Variants in SH3D19 observed in about 807,000 individuals in gnomAD.
SH3D19 encodes the protein SH3 domain containing 19.
Under a neutral mutation model 112.1 loss-of-function variants are expected in SH3D19, and 58 were observed. The ratio of observed to expected loss-of-function variants is 0.52; its 90% CI spans 0.42 to 0.64. The LOEUF is 0.64. SH3D19 is among the 30% of genes least tolerant of loss of function. The pLI is 0.00. For synonymous variants in SH3D19, 391 were observed against 448.5 expected (o/e 0.87, Z 1.62); for missense variants, 1,090 against 1,263.4 (o/e 0.86, Z 2.08).
intron 15 of SH3D19, among the ~76,000 whole-genome samples, chr4:151,134,506 T>G (rs114315730): frequency 1.4e-4 from 21 of 152,336 alleles, no homozygotes; most frequent in Admixed American, 6.5e-4. Flanking sequence ...ATTGTAGGAT[T>G]CATATTTCTA....
At chr4:151,281,717 A>G (rs1274638903) in intron 1 of SH3D19, among the ~76,000 whole-genome samples, 1 of 152,126 alleles carries the variant, frequency 6.6e-6, no homozygotes, top group African/African-American at 2.4e-5. Flanking sequence ...TTATCAAATT[A>G]CCTGGCATTT....
intron 1 of SH3D19, among the ~76,000 whole-genome samples, chr4:151,317,705 G>A (rs2079818293): frequency 6.6e-6 from 1 of 152,194 alleles, no homozygotes; most frequent in Admixed American, 6.5e-5. Flanking sequence ...TGGGCACAGT[G>A]GCTCACACCT....
chr4:151,263,697 C>A lies in SH3D19; in HGVS notation c.113-37611G>T, dbSNP rs181918685. Among the ~76,000 whole-genome samples, 42 of 152,016 alleles carry A rather than the reference C, an allele frequency of 2.8e-4. No individual in the cohort carries two copies. The East Asian group carries it at 7.2e-3, about 26-fold the overall frequency. On this transcript the variant is annotated intron_variant, in intron 1 of 19. Coordinates refer to ENST00000604030, the MANE Select transcript of SH3D19 (RefSeq NM_001378122.1). ...TGTGCCTGTTACCATTCATGTGGGC[C>A]TCGCTGAAGGAATGCCTTTGGCAGC...
chr4:151,231,534 T>C (rs1387467139), intron 1 of SH3D19, among the ~76,000 whole-genome samples: 1 of 152,176 alleles, frequency 6.6e-6, no homozygotes, highest in Non-Finnish European at 1.5e-5. Flanking sequence ...CCCACAGTGA[T>C]GGTCTATTGT....
At chr4:151,210,014 T>G (rs1374048674) in intron 2 of SH3D19, among the ~76,000 whole-genome samples, 1 of 152,202 alleles carries the variant, frequency 6.6e-6, no homozygotes, top group African/African-American at 2.4e-5. Context: ...CCAAATAGCG[T>G]AGGACCATTT....
intron 1 of SH3D19, among the ~76,000 whole-genome samples, chr4:151,314,631 CAGTT>C (rs1369675973): frequency 1.3e-5 from 2 of 152,178 alleles, no homozygotes; most frequent in Admixed American, 6.5e-5. Flanking sequence ...TAGAATCTAT[CAGTT>C]AGGAACTGCC....
intron 4 of SH3D19, among the ~76,000 whole-genome samples, chr4:151,177,961 C>A (rs1350950417): frequency 6.6e-6 from 1 of 152,208 alleles, no homozygotes; most frequent in African/African-American, 2.4e-5. Flanking sequence ...CAGGGCCTCA[C>A]TCTGTTGCCC....
At chr4:151,189,690 G>A (rs936045985) in intron 2 of SH3D19, among the ~76,000 whole-genome samples, 1 of 152,090 alleles carries the variant, frequency 6.6e-6, no homozygotes, top group South Asian at 2.1e-4. Flanking sequence ...ATGATTGTGA[G>A]GCCTCTCCAG....
Position 151,277,347 on chromosome 4 carries a change from G to A in SH3D19, c.112+47894C>T, listed in dbSNP as rs1773734055. On this transcript the variant is annotated intron_variant, in intron 1 of 19. Coordinates refer to ENST00000604030, the MANE Select transcript of SH3D19 (RefSeq NM_001378122.1). ...GTTATGAGTAGCACAGCCTGAGAAG[G>A]TCCTGAGAGGCTACTATATACCCAG... The A allele has an allele frequency of 1.1e-5, 7 of 651,606 alleles. No homozygotes were observed. The South Asian group carries it at 4.0e-4, about 37-fold the overall frequency. The allele number at this position is 651,606 out of a possible 1,614,324, so 40.4% of individuals were successfully genotyped here. A position where few individuals can be genotyped will look rare whatever the true frequency, so the allele number is the denominator to read the frequency against.
chr4:151,321,299 A>T (rs1415602887), intron 1 of SH3D19, among the ~76,000 whole-genome samples: 3 of 152,182 alleles, frequency 2.0e-5, no homozygotes, highest in African/African-American at 7.2e-5. Context: ...GAAACTGGGA[A>T]GAGTTGGTCA....
intron 1 of SH3D19, among the ~76,000 whole-genome samples, chr4:151,322,431 T>TAA (rs57301959): frequency 5.5e-3 from 210 of 38,306 alleles, no homozygotes; most frequent in African/African-American, 0.012. Context: ...AGACTCTGCC[T>TAA]AAAAAAAAAA....
chr4:151,150,695 TA>T (rs1289452006), intron 9 of SH3D19, among the ~76,000 whole-genome samples: 1 of 152,034 alleles, frequency 6.6e-6, no homozygotes, highest in Non-Finnish European at 1.5e-5. Flanking sequence ...ATATGAACAA[TA>T]AAAGACAGTC....
intron 1 of SH3D19, among the ~76,000 whole-genome samples, chr4:151,303,185 T>C (rs111426790): frequency 6.6e-6 from 1 of 152,298 alleles, no homozygotes; most frequent in African/African-American, 2.4e-5. Context: ...TAAATGAGGA[T>C]TTGCTTTTCG....
intron 1 of SH3D19, among the ~76,000 whole-genome samples, chr4:151,288,849 A>G (rs1188271839): frequency 6.6e-6 from 1 of 152,230 alleles, no homozygotes; most frequent in African/African-American, 2.4e-5. Flanking sequence ...TACAGATTCA[A>G]TGTAATCCCT....
intron 1 of SH3D19, among the ~76,000 whole-genome samples, chr4:151,241,252 A>G (rs1164545951): frequency 1.3e-5 from 2 of 151,970 alleles, no homozygotes; most frequent in Non-Finnish European, 2.9e-5. Flanking sequence ...TGATTGTGCC[A>G]CTGCACTCCA....
intron 3 of SH3D19, among the ~76,000 whole-genome samples, chr4:151,181,471 C>A (rs1044044102): frequency 4.6e-5 from 7 of 152,128 alleles, no homozygotes; most frequent in African/African-American, 1.7e-4. Context: ...ATATTCATAT[C>A]ATCAACTGGT....
intron 2 of SH3D19, among the ~76,000 whole-genome samples, chr4:151,223,191 A>G (rs561838152): frequency 5.1e-4 from 77 of 150,618 alleles, no homozygotes; most frequent in African/African-American, 1.6e-3. Context: ...TTTTCCCAAC[A>G]ACTTTTTTTT....
intron 1 of SH3D19, among the ~76,000 whole-genome samples, chr4:151,255,892 T>C (rs1310776121): frequency 6.6e-6 from 1 of 152,140 alleles, no homozygotes; most frequent in Non-Finnish European, 1.5e-5. Flanking sequence ...GGTGCGAGCC[T>C]GCAATCGCAG....
rs377316471 is a variant in SH3D19 at position 151,236,500 on chromosome 4, G to A, written c.113-10414C>T. 7.2e-5 allele frequency among the ~76,000 whole-genome samples: 11 copies of A among 152,376 alleles called. No individual in the cohort carries two copies. In the East Asian group the frequency reaches 2.1e-3, roughly 29 times the overall value. ...AACTTTTCTGTCTAGCTAAAGGATT[G>A]TAAATGCACCAATCAGCACTCTGTG... On this transcript the variant is annotated intron_variant, in intron 1 of 19. Coordinates refer to ENST00000604030, the MANE Select transcript of SH3D19 (RefSeq NM_001378122.1).
Sources: gnomAD v4.1 joint callset for allele counts (sites outside exome capture counted in the v4.1 genomes callset) on GRCh38, gnomAD v4.1.1 for gene constraint, MANE v1.5 for transcripts, NCBI Gene and HGNC (gene_info 2026-07-23, HGNC 2026-07-21) for gene names.